Variants in EPHB2 observed in about 807,000 individuals in gnomAD.
EPHB2 encodes ephrin type-B receptor 2.
Under a neutral mutation model 96.4 loss-of-function variants are expected in EPHB2, and 18 were observed. That is an observed-to-expected ratio of 0.19 (90% confidence interval 0.13 to 0.28). The LOEUF is 0.28. EPHB2 is among the 10% of genes least tolerant of loss of function. The probability of loss-of-function intolerance (pLI) is 1.00; values close to 1 mark genes in which losing one functional copy is unlikely to be tolerated. For missense variants in EPHB2, 989 were observed against 1,355.4 expected (o/e 0.73, Z 4.25); for synonymous variants, 506 against 534.1 (o/e 0.95, Z 0.72).
intron 1 of EPHB2, chr1:22,719,418 G>A (rs1310560374): frequency 1.9e-5 from 3 of 154,192 alleles, no homozygotes; most frequent in Non-Finnish European, 2.9e-5. Flanking sequence ...TCCTGTTTCT[G>A]GCGTTTCTGA....
chr1:22,727,397 C>T (rs1643603730), intron 1 of EPHB2, among the ~76,000 whole-genome samples: 1 of 152,242 alleles, frequency 6.6e-6, no homozygotes, highest in African/African-American at 2.4e-5. Context: ...TCACTGAAGC[C>T]CCACAGCTCC....
At chr1:22,745,062 T>C (rs1047830522) in intron 1 of EPHB2, among the ~76,000 whole-genome samples, 1 of 152,106 alleles carries the variant, frequency 6.6e-6, no homozygotes, top group Non-Finnish European at 1.5e-5. Context: ...CAAACTGGTG[T>C]TATCCAAGGG....
intron 6 of EPHB2, among the ~76,000 whole-genome samples, chr1:22,892,463 C>T (rs1160250030): frequency 6.6e-6 from 1 of 152,128 alleles, no homozygotes; most frequent in Non-Finnish European, 1.5e-5. Context: ...ATAGGGGTGG[C>T]CCTGTTTCAT....
At chr1:22,754,071 G>C (rs1398415976) in intron 1 of EPHB2, among the ~76,000 whole-genome samples, 1 of 152,148 alleles carries the variant, frequency 6.6e-6, no homozygotes, top group Admixed American at 6.5e-5. Context: ...CCCAAATCCT[G>C]GGCCTGAGTG....
rs769165642 is a variant in EPHB2 at position 22,858,170 on chromosome 1, A to G, written c.812-4867A>G. Among the ~76,000 whole-genome samples the G allele has an allele frequency of 6.6e-6, 1 of 152,132 alleles. No individual in the cohort carries two copies. Among genetic ancestry groups the G allele is most frequent in the Non-Finnish European group, 1.5e-5 (1 of 68,002 alleles). ...TCCGGGCAGAGGGAACAGCTTGGCCAAAGGCCTGGAGGTGAGAGCGCATTC... is the reference window on the plus strand; with the variant it reads ...TCCGGGCAGAGGGAACAGCTTGGCCGAAGGCCTGGAGGTGAGAGCGCATTC... On this transcript the variant is annotated intron_variant, in intron 3 of 15. Transcript: ENST00000374630. This position sits in a 1 kb window ranked among gnomAD's most constrained non-coding sequence, Gnocchi z 7.7.
In EPHB2 at chr1:22,910,625, G is replaced by C. The variant is rs74899501; in HGVS notation, c.2696+50G>C. ...CCAGCCAGGCCCTGCCCCTCTTCCC[G>C]TCTCCCATCCCTTCTGCCCCCACTT... On this transcript the variant is annotated intron_variant, in intron 14 of 15. Coordinates refer to ENST00000374630, the MANE Select transcript of EPHB2 (RefSeq NM_017449.5). 1.8e-3 allele frequency: 2,849 copies of C among 1,601,258 alleles called. 33 individuals carry two copies. The African/African-American group carries it at 0.028, about 16-fold the overall frequency.
At chr1:22,776,266 CAG>C (rs1482266671) in intron 1 of EPHB2, among the ~76,000 whole-genome samples, 2 of 152,200 alleles carry the variant, frequency 1.3e-5, no homozygotes, top group East Asian at 3.8e-4. Flanking sequence ...CACTCCACAT[CAG>C]TCACTCCCCA....
In EPHB2 at chr1:22,846,014, C is replaced by T. The variant is rs537446551; in HGVS notation, c.812-17023C>T. Among the ~76,000 whole-genome samples, 2 of 152,082 alleles carry T rather than the reference C, an allele frequency of 1.3e-5. No homozygotes were observed. Among genetic ancestry groups the T allele is most frequent in the African/African-American group, 4.8e-5 (2 of 41,406 alleles). Reference sequence around the variant, plus strand: ...TATTTTAAAGTAACTTGTTAAGAAGCCATTTGGCCCTGGGAAAGTTTGGGA... The same window carrying T: ...TATTTTAAAGTAACTTGTTAAGAAGTCATTTGGCCCTGGGAAAGTTTGGGA... On this transcript the variant is annotated intron_variant, in intron 3 of 15. Transcript: ENST00000374630. The surrounding 1 kb of genome is among the most constrained non-coding windows in gnomAD (Gnocchi z 4.3).
intron 1 of EPHB2, among the ~76,000 whole-genome samples, chr1:22,760,425 A>G (rs1361919693): frequency 1.3e-5 from 2 of 152,170 alleles, no homozygotes; most frequent in African/African-American, 4.8e-5. Context: ...CCCTGTCTGC[A>G]GAGGCAGTCT....
intron 1 of EPHB2, among the ~76,000 whole-genome samples, chr1:22,756,167 G>A (rs1644146585): frequency 6.6e-6 from 1 of 152,120 alleles, no homozygotes; most frequent in Admixed American, 6.5e-5. Context: ...GCTAGCTCAG[G>A]AATTCCGTGG....
At chr1:22,801,840 C>T (rs1018750495) in intron 3 of EPHB2, among the ~76,000 whole-genome samples, 2 of 152,320 alleles carry the variant, frequency 1.3e-5, no homozygotes, top group African/African-American at 2.4e-5. Context: ...ATCTCCCAGA[C>T]GCCCCTTCCC....
chr1:22,805,616 A>G (rs1023077484), intron 3 of EPHB2, among the ~76,000 whole-genome samples: 3 of 151,976 alleles, frequency 2.0e-5, no homozygotes, highest in African/African-American at 7.3e-5. Context: ...GCCACCTCCC[A>G]CCCATCCTGG....
intron 3 of EPHB2, among the ~76,000 whole-genome samples, chr1:22,788,354 C>T (rs1406609237): frequency 6.6e-6 from 1 of 152,224 alleles, no homozygotes; most frequent in Non-Finnish European, 1.5e-5. Flanking sequence ...CTCAGCCCAG[C>T]CCAGCCATCC....
chr1:22,905,893 T>A, intron 9 of EPHB2, 94 bp from the exon 10 acceptor site: 1 of 1,597,774 alleles, frequency 6.3e-7, no homozygotes, highest in East Asian at 2.2e-5. Flanking sequence ...CACATGGGAG[T>A]GGATTTCCCT....
intron 3 of EPHB2, among the ~76,000 whole-genome samples, chr1:22,853,954 TC>T (rs1645662757): frequency 6.6e-6 from 1 of 152,220 alleles, no homozygotes; most frequent in South Asian, 2.1e-4. Flanking sequence ...CTCAGCCTTG[TC>T]CTGTCAGCTG....
intron 5 of EPHB2, among the ~76,000 whole-genome samples, chr1:22,870,954 G>A (rs902231295): frequency 2.6e-5 from 4 of 152,190 alleles, no homozygotes; most frequent in Admixed American, 6.5e-5. Flanking sequence ...TATGCAAGGT[G>A]CCTCCCAGGT....
intron 1 of EPHB2, among the ~76,000 whole-genome samples, chr1:22,722,699 T>C (rs1161450190): frequency 6.6e-6 from 1 of 152,116 alleles, no homozygotes; most frequent in Admixed American, 6.5e-5. Flanking sequence ...GGAGGTAGAG[T>C]TGGCAGAATG....
chr1:22,883,297 G>A (rs1239704698), intron 6 of EPHB2, among the ~76,000 whole-genome samples: 1 of 152,230 alleles, frequency 6.6e-6, no homozygotes, highest in African/African-American at 2.4e-5. Context: ...GCTGCACAGT[G>A]GGCAATGGTG....
At chr1:22,755,896 C>A (rs1271904253) in intron 1 of EPHB2, among the ~76,000 whole-genome samples, 2 of 152,114 alleles carry the variant, frequency 1.3e-5, no homozygotes, top group African/African-American at 4.8e-5. Context: ...AGGCACTGTG[C>A]CTGCAATTTG....
Sources: allele counts gnomAD v4.1 joint callset (sites outside exome capture counted in the v4.1 genomes callset), GRCh38; gene constraint gnomAD v4.1.1; non-coding constraint Gnocchi (gnomAD v3.1); transcripts MANE v1.5; gene names NCBI Gene and HGNC (gene_info 2026-07-23, HGNC 2026-07-21).